The following GLI3 variants were observed in gnomAD, a reference collection of about 807,000 sequenced individuals.
GLI3 encodes the protein GLI family zinc finger 3.
Under a neutral mutation model 100.8 loss-of-function variants are expected in GLI3, and 20 were observed. The observed-to-expected ratio is 0.20, with a 90% CI of 0.14 to 0.29. The LOEUF is 0.29. Ranked by LOEUF, GLI3 falls within the 10% of genes least tolerant of loss-of-function variation. The pLI, the probability that GLI3 is intolerant of heterozygous loss-of-function variation, is 1.00. For missense variants in GLI3, 2,040 were observed against 2,128.5 expected (o/e 0.96, Z 0.82); for synonymous variants, 938 against 860.5 (o/e 1.09, Z -1.58).
intron 4 of GLI3, among the ~76,000 whole-genome samples, chr7:42,064,436 T>C (rs958139417): frequency 2.6e-5 from 4 of 151,870 alleles, no homozygotes; most frequent in African/African-American, 4.8e-5. Context: ...TGTGGTAGAG[T>C]TGAGAATGGA....
rs149925437 is a variant in GLI3, at chr7:42,212,138, T to C, written c.124+10992A>G. 1.5e-3 allele frequency among the ~76,000 whole-genome samples: 231 copies of C among 152,340 alleles called. 2 individuals carry two copies. The highest frequency in any genetic ancestry group is 5.4e-3 in the African/African-American group (223 of 41,572). Reference sequence around the variant, plus strand: ...TTTTATTTTTTCCTTTCCAGTTGCGTCTTTCCCAATTGTAAGACTGTCATC... The same window carrying C: ...TTTTATTTTTTCCTTTCCAGTTGCGCCTTTCCCAATTGTAAGACTGTCATC... On this transcript the variant is annotated intron_variant, in intron 2 of 14. Transcript: ENST00000395925.
chr7:42,077,046 T>G (rs1002310072), intron 3 of GLI3, among the ~76,000 whole-genome samples, 189 bp from the exon 4 acceptor site: 2 of 152,296 alleles, frequency 1.3e-5, no homozygotes, highest in African/African-American at 4.8e-5. Context: ...AAGTAAGTAG[T>G]GCCTGCACCT....
chr7:42,083,759 C>T (rs1026392524), intron 3 of GLI3, among the ~76,000 whole-genome samples: 2 of 152,156 alleles, frequency 1.3e-5, no homozygotes, highest in Non-Finnish European at 2.9e-5. Flanking sequence ...TCTTCATATG[C>T]TAACTTGTGT....
rs560941437 is a variant in GLI3 at position 42,030,697 on chromosome 7, T to C, written c.1029-4285A>G. 2.2e-3 allele frequency among the ~76,000 whole-genome samples: 129 copies of C among 57,422 alleles called. 1 individual carries two copies. In the African/African-American group the frequency reaches 0.037, roughly 16 times the overall value. The allele number at this position is 57,422 out of a possible 152,430, so 37.7% of individuals were successfully genotyped here. On this transcript the variant is annotated intron_variant, in intron 7 of 14. Coordinates refer to ENST00000395925, the MANE Select transcript of GLI3 (RefSeq NM_000168.6). Reference sequence around the variant, plus strand: ...AGAAATTATTACTATTGTTGATTTGTTTTTTTTTTTTTTGTTTTTTTGTTT... The same window carrying C: ...AGAAATTATTACTATTGTTGATTTGCTTTTTTTTTTTTTGTTTTTTTGTTT...
intron 1 of GLI3, among the ~76,000 whole-genome samples, chr7:42,262,228 C>A (rs1277953076): frequency 8.9e-5 from 12 of 134,114 alleles, no homozygotes; most frequent in African/African-American, 2.2e-4. Context: ...TTCCTTCTTT[C>A]CTTCCTTCCT....
At chr7:42,069,953 G>T (rs1159987167) in intron 4 of GLI3, among the ~76,000 whole-genome samples, 5 of 152,230 alleles carry the variant, frequency 3.3e-5, no homozygotes, top group Non-Finnish European at 7.3e-5. Context: ...GCAGGGAAAT[G>T]TGTGAAGGGA....
chr7:42,019,360 C>A (rs1788868180), intron 10 of GLI3, among the ~76,000 whole-genome samples: 5 of 152,152 alleles, frequency 3.3e-5, no homozygotes. Context: ...GCAGGCTGTG[C>A]ATATTTCAGA....
At chr7:42,240,180 GA>G, upstream of GLI3, among the ~76,000 whole-genome samples, 1 of 152,302 alleles carries the variant, frequency 6.6e-6, no homozygotes, top group African/African-American at 2.4e-5. Flanking sequence ...CTTGATGTCT[GA>G]AATTCTATCA....
chr7:42,063,467 T>G (rs1784612071), intron 4 of GLI3, among the ~76,000 whole-genome samples: 3 of 152,182 alleles, frequency 2.0e-5, no homozygotes, highest in Non-Finnish European at 4.4e-5. Flanking sequence ...ATAGATTTTT[T>G]AAACATGTAT....
chr7:41,997,289 T>G (rs1330017903), intron 10 of GLI3, among the ~76,000 whole-genome samples: 2 of 152,190 alleles, frequency 1.3e-5, no homozygotes, highest in Non-Finnish European at 2.9e-5. Flanking sequence ...TTTTCTTCTT[T>G]AACATTATTT....
intron 2 of GLI3, among the ~76,000 whole-genome samples, chr7:42,178,607 G>A (rs926476880): frequency 6.6e-6 from 1 of 152,262 alleles, no homozygotes; most frequent in Admixed American, 6.5e-5. Flanking sequence ...CAGCAAACAT[G>A]TACTGAGCTC....
chr7:42,171,213 G>T (rs1787365943), intron 2 of GLI3, among the ~76,000 whole-genome samples: 1 of 152,144 alleles, frequency 6.6e-6, no homozygotes, highest in Admixed American at 6.5e-5. Context: ...TGATTTCATG[G>T]CCTTTTCTAT....
At chr7:42,159,289 A>C (rs1408330739) in intron 2 of GLI3, among the ~76,000 whole-genome samples, 4 of 152,224 alleles carry the variant, frequency 2.6e-5, no homozygotes, top group African/African-American at 9.6e-5. Context: ...TCCAAAAGTT[A>C]AAGAAGCATA....
intron 3 of GLI3, among the ~76,000 whole-genome samples, chr7:42,087,504 G>A (rs765539048): frequency 6.6e-6 from 1 of 152,168 alleles, no homozygotes; most frequent in Admixed American, 6.5e-5. Context: ...ACTGATGGGC[G>A]CTCAGCAATC....
intron 2 of GLI3, among the ~76,000 whole-genome samples, chr7:42,167,658 C>T (rs1787272259): frequency 6.6e-6 from 1 of 152,136 alleles, no homozygotes; most frequent in Non-Finnish European, 1.5e-5. Context: ...AAAGGTAGGG[C>T]ATTTTTATGT....
chr7:42,064,711 T>C (rs1178646224), intron 4 of GLI3, among the ~76,000 whole-genome samples: 2 of 152,198 alleles, frequency 1.3e-5, no homozygotes, highest in African/African-American at 2.4e-5. Context: ...GGAAGTATTA[T>C]GGAAGCTGCA....
At chr7:42,262,459 C>A (rs925755500) in intron 1 of GLI3, among the ~76,000 whole-genome samples, 6 of 152,016 alleles carry the variant, frequency 3.9e-5, no homozygotes, top group Admixed American at 2.6e-4. Flanking sequence ...AGGGTATAAC[C>A]ATGTTGCCCA....
At chr7:42,241,303 A>G (rs541519697), upstream of GLI3, among the ~76,000 whole-genome samples, 1 of 152,300 alleles carries the variant, frequency 6.6e-6, no homozygotes, top group African/African-American at 2.4e-5. Flanking sequence ...CCAGAAAATA[A>G]TGACCTTTCC....
At chr7:42,093,901 C>T (rs2128758340) in intron 3 of GLI3, among the ~76,000 whole-genome samples, 1 of 152,152 alleles carries the variant, frequency 6.6e-6, no homozygotes, top group African/African-American at 2.4e-5. Context: ...GGCCACACTC[C>T]CCAAATAAAC....
Sources: allele counts gnomAD v4.1 joint callset (sites outside exome capture counted in the v4.1 genomes callset), GRCh38; gene constraint gnomAD v4.1.1; transcripts MANE v1.5; gene names NCBI Gene and HGNC (gene_info 2026-07-23, HGNC 2026-07-21).